The following DUSP16 variants were observed in gnomAD, a reference collection of about 807,000 sequenced individuals.
DUSP16 encodes dual specificity protein phosphatase 16.
In DUSP16, 21 loss-of-function variants were observed where a neutral mutation model predicts 58.3. The observed-to-expected ratio is 0.36, with a 90% CI of 0.26 to 0.52. The LOEUF (loss-of-function observed/expected upper bound fraction) is 0.52. Ranked by LOEUF, DUSP16 falls within the 20% of genes least tolerant of loss-of-function variation. The probability of loss-of-function intolerance (pLI) is 0.94; values close to 1 mark genes in which losing one functional copy is unlikely to be tolerated. For synonymous variants in DUSP16, 320 were observed against 323.8 expected (o/e 0.99, Z 0.12); for missense variants, 726 against 819.0 (o/e 0.89, Z 1.39).
intron 1 of DUSP16, among the ~76,000 whole-genome samples, chr12:12,555,080 T>C (rs1380079826): frequency 2.0e-5 from 3 of 152,192 alleles, no homozygotes. Flanking sequence ...TGGCAATACA[T>C]ATACCTTAGT....
chr12:12,517,823 T>G (rs534101142), intron 3 of DUSP16, among the ~76,000 whole-genome samples: 1 of 152,212 alleles, frequency 6.6e-6, no homozygotes. Context: ...GCTGCCTCCA[T>G]GGACTTGCCG....
intron 1 of DUSP16, among the ~76,000 whole-genome samples, chr12:12,544,657 A>C (rs1944613945): frequency 6.6e-6 from 1 of 151,908 alleles, no homozygotes; most frequent in East Asian, 1.9e-4. Flanking sequence ...AATTTTAGCT[A>C]CTCTGATCAG....
chr12:12,531,770 C>G (rs1944389424), intron 1 of DUSP16, among the ~76,000 whole-genome samples: 1 of 152,086 alleles, frequency 6.6e-6, no homozygotes, highest in South Asian at 2.1e-4. Context: ...ACTCGGGAGG[C>G]TGAGGCAGGA....
At chr12:12,524,046 A>C (rs1944270413) in intron 1 of DUSP16, among the ~76,000 whole-genome samples, 1 of 152,360 alleles carries the variant, frequency 6.6e-6, no homozygotes, top group Middle Eastern at 3.4e-3. Flanking sequence ...AAGGGACAAA[A>C]GGAGGGAGAA....
At chr12:12,510,361 T>A (rs1348420044) in intron 3 of DUSP16, among the ~76,000 whole-genome samples, 1 of 152,204 alleles carries the variant, frequency 6.6e-6, no homozygotes, top group Non-Finnish European at 1.5e-5. Flanking sequence ...TCTGACTAAC[T>A]TGTAAACTGT....
chr12:12,503,133 TCA>T (rs1417684075), intron 3 of DUSP16, among the ~76,000 whole-genome samples: 23 of 152,084 alleles, frequency 1.5e-4, no homozygotes, highest in Non-Finnish European at 3.2e-4. Context: ...CACACCTATC[TCA>T]CAGAGTTGTT....
chr12:12,558,446 A>C (rs1944844016), intron 1 of DUSP16, among the ~76,000 whole-genome samples: 1 of 151,258 alleles, frequency 6.6e-6, no homozygotes, highest in African/African-American at 2.4e-5. Context: ...CAGCAGTGCC[A>C]TCATAGCTCA....
intron 1 of DUSP16, among the ~76,000 whole-genome samples, chr12:12,557,515 GTTTC>G (rs771385746): frequency 1.3e-5 from 2 of 151,502 alleles, no homozygotes; most frequent in African/African-American, 4.8e-5. Context: ...AGTCACATAG[GTTTC>G]TTTTTCTTTA....
rs1250668555 is a variant in DUSP16 at position 12,517,260 on chromosome 12, A to G, written c.367+2602T>C. On this transcript the variant is annotated intron_variant, in intron 3 of 6. Transcript: ENST00000298573. ...AACCGATGGAAAAATTATTCCAAGA[A>G]ACCACTTTGTCTTTCTATTACCATG... 2.6e-5 allele frequency among the ~76,000 whole-genome samples: 4 copies of G among 152,302 alleles called. No homozygotes were observed. The East Asian group carries it at 5.8e-4, about 22-fold the overall frequency.
intron 4 of DUSP16, among the ~76,000 whole-genome samples, chr12:12,490,090 A>AT (rs1204755674): frequency 2.6e-5 from 4 of 151,860 alleles, no homozygotes; most frequent in African/African-American, 9.7e-5. Context: ...ATTTTTAAAC[A>AT]TTTTTTTTGT....
intron 6 of DUSP16, 103 bp downstream of exon 6, chr12:12,480,120 A>G (rs1943535824): frequency 4.1e-6 from 6 of 1,449,224 alleles, no homozygotes; most frequent in Non-Finnish European, 5.6e-6. Context: ...AAATGTGACT[A>G]AAATAATCAT....
chr12:12,521,835 T>C (rs1175743490), intron 1 of DUSP16, among the ~76,000 whole-genome samples: 1 of 152,164 alleles, frequency 6.6e-6, no homozygotes, highest in Non-Finnish European at 1.5e-5. Context: ...GCTTATTTAT[T>C]GAAATCCCAC....
intron 3 of DUSP16, among the ~76,000 whole-genome samples, chr12:12,517,482 C>T (rs1944171037): frequency 6.6e-6 from 1 of 152,300 alleles, no homozygotes; most frequent in South Asian, 2.1e-4. Context: ...CTGGCTTGTC[C>T]TCTGAGCAGC....
chr12:12,535,758 T>G (rs1944454244), intron 1 of DUSP16, among the ~76,000 whole-genome samples: 1 of 152,220 alleles, frequency 6.6e-6, no homozygotes, highest in South Asian at 2.1e-4. Context: ...AAAGGCTTCC[T>G]GAAAAATGTA....
intron 3 of DUSP16, among the ~76,000 whole-genome samples, chr12:12,516,764 A>G (rs1247516418): frequency 6.6e-6 from 1 of 152,262 alleles, no homozygotes; most frequent in African/African-American, 2.4e-5. Flanking sequence ...TAATATGCTT[A>G]TATTCTAGAC....
chr12:12,545,547 G>A (rs1349959705), intron 1 of DUSP16, among the ~76,000 whole-genome samples: 1 of 151,394 alleles, frequency 6.6e-6, no homozygotes, highest in Non-Finnish European at 1.5e-5. Context: ...CTCCCAAAGT[G>A]CTGGGATTAC....
chr12:12,476,843 T>C lies in DUSP16; in HGVS notation c.1988A>G (p.Glu663Gly). The C allele has an allele frequency of 6.2e-7, 1 of 1,603,028 alleles. No individual in the cohort carries two copies. Among genetic ancestry groups the C allele is most frequent in the East Asian group, 2.2e-5 (1 of 44,792 alleles). The change falls in exon 7 of 7, where the codon GAG (glutamate) becomes GGG (glycine). Residue 663 changes from glutamate to glycine, a missense_variant. Transcript: ENST00000298573. ...SSFSGSMEIIEVS is the reference protein window; with the variant it reads ...SSFSGSMEIIGVS ...CAAGTGTCTTTCTTCTCAGGAGACC[T>C]CAATGATTTCCATGCTGCCCGAAAA...
intron 1 of DUSP16, among the ~76,000 whole-genome samples, chr12:12,547,757 G>A (rs1944668009): frequency 6.6e-6 from 1 of 152,134 alleles, no homozygotes; most frequent in Non-Finnish European, 1.5e-5. Context: ...CTTTGGTGGA[G>A]TGCTACCTTC....
At chr12:12,550,652 T>C (rs1039873566) in intron 1 of DUSP16, among the ~76,000 whole-genome samples, 2 of 151,578 alleles carry the variant, frequency 1.3e-5, no homozygotes, top group African/African-American at 2.4e-5. Context: ...TAAGTGAGAG[T>C]TGAACAATGA....
Sources: allele counts gnomAD v4.1 joint callset (sites outside exome capture counted in the v4.1 genomes callset), GRCh38; gene constraint gnomAD v4.1.1; transcripts MANE v1.5; gene names NCBI Gene and HGNC (gene_info 2026-07-23, HGNC 2026-07-21).